Variants in TMEM154 observed in about 807,000 individuals in gnomAD.
TMEM154 encodes transmembrane protein 154.
In TMEM154, 27 loss-of-function variants were observed where a neutral mutation model predicts 24.5. The ratio of observed to expected loss-of-function variants is 1.10; its 90% CI spans 0.81 to 1.52. The LOEUF (loss-of-function observed/expected upper bound fraction) is 1.52, where lower values mean the gene tolerates loss of function less well. TMEM154 is among the 40% of genes most tolerant of loss of function. The pLI, the probability that TMEM154 is intolerant of heterozygous loss-of-function variation, is 0.00. For missense variants in TMEM154, 228 were observed against 213.4 expected, an observed-to-expected ratio of 1.07 and a Z score of -0.43; for synonymous variants, 67 against 76.8, an observed-to-expected ratio of 0.87 and a Z score of 0.67.
At chr4:152,636,453 T>G (rs933050113) in intron 6 of TMEM154, among the ~76,000 whole-genome samples, 7 of 152,234 alleles carry the variant, frequency 4.6e-5, no homozygotes, top group African/African-American at 9.6e-5. Flanking sequence ...CCTATTGATT[T>G]CTTTCAAACA....
intron 1 of TMEM154, among the ~76,000 whole-genome samples, chr4:152,661,515 C>T (rs893142271): frequency 6.6e-6 from 1 of 151,992 alleles, no homozygotes; most frequent in African/African-American, 2.4e-5. Flanking sequence ...TTGCCCTTGC[C>T]CTGGGGTGCA....
rs114684206 is a variant in TMEM154 at position 152,678,994 on chromosome 4, G to A, written c.64+876C>T. Among the ~76,000 whole-genome samples the A allele has an allele frequency of 7.8e-3, 1,189 of 152,228 alleles. 8 individuals carry two copies. Among genetic ancestry groups the A allele is most frequent in the African/African-American group, 0.028 (1,155 of 41,544 alleles). ...AGCTTGAGAACTTTCCTTTTGCTTG[G>A]TAAATACTGCCCTACACTAGAAGCA... is the stretch of plus-strand genomic sequence containing the variant. On this transcript the variant is annotated intron_variant, in intron 1 of 6. Transcript: ENST00000304385.
In TMEM154 at chr4:152,652,506, C is replaced by G. The variant is rs372908393; in HGVS notation, c.364+32G>C. 3.1e-6 allele frequency: 5 copies of G among 1,611,950 alleles called. No homozygotes were observed. In the East Asian group the frequency reaches 6.7e-5, roughly 22 times the overall value. On this transcript the variant is annotated intron_variant, in intron 3 of 6. Transcript: ENST00000304385. ...TCTGCTCCTTCTCCAATCCCACCCC[C>G]ACCTGTAGGCAGGTTTTAGGATAAT...
chr4:152,640,804 C>G (rs908794461), intron 6 of TMEM154, 124 bp downstream of exon 6: 54 of 779,544 alleles, frequency 6.9e-5, no homozygotes, highest in Non-Finnish European at 9.7e-5. Flanking sequence ...ACATATCCAG[C>G]CGCGTAAATG....
intron 1 of TMEM154, among the ~76,000 whole-genome samples, chr4:152,677,171 C>T (rs1466866062): frequency 1.3e-5 from 2 of 152,152 alleles, no homozygotes; most frequent in East Asian, 3.9e-4. Context: ...AGAAAAGCTG[C>T]TTTCTTATTT....
chr4:152,642,703 C>G (rs1401475448), intron 5 of TMEM154, among the ~76,000 whole-genome samples: 1 of 152,300 alleles, frequency 6.6e-6, no homozygotes, highest in East Asian at 1.9e-4. Flanking sequence ...CAGCACAGAT[C>G]TATGGATACT....
intron 6 of TMEM154, 36 bp downstream of exon 6, chr4:152,640,892 C>CCCA: frequency 6.9e-7 from 1 of 1,454,084 alleles, no homozygotes; most frequent in Non-Finnish European, 9.6e-7. Context: ...CGCCCCCCGC[C>CCCA]ATATACATGT....
chr4:152,661,785 A>G (rs1360457572), intron 1 of TMEM154, among the ~76,000 whole-genome samples: 3 of 152,152 alleles, frequency 2.0e-5, no homozygotes, highest in African/African-American at 7.2e-5. Context: ...TGAATAGGTA[A>G]TCTGCACATG....
At chr4:152,663,789 T>A (rs747292894) in intron 1 of TMEM154, among the ~76,000 whole-genome samples, 1 of 152,262 alleles carries the variant, frequency 6.6e-6, no homozygotes, top group Non-Finnish European at 1.5e-5. Flanking sequence ...TTAAGATCAC[T>A]TGATAATAAA....
At chr4:152,678,408 C>T (rs995513234) in intron 1 of TMEM154, among the ~76,000 whole-genome samples, 6 of 151,864 alleles carry the variant, frequency 4.0e-5, no homozygotes, top group Non-Finnish European at 8.8e-5. Context: ...TTTGAGGCAC[C>T]TGTGGCAGTG....
chr4:152,646,385 G>T (rs956767909), intron 3 of TMEM154, among the ~76,000 whole-genome samples: 1 of 152,136 alleles, frequency 6.6e-6, no homozygotes, highest in African/African-American at 2.4e-5. Context: ...CATCTTCCCT[G>T]CTCCATGGCT....
intron 1 of TMEM154, among the ~76,000 whole-genome samples, chr4:152,654,190 G>T (rs112156711): frequency 1.3e-5 from 2 of 152,156 alleles, no homozygotes; most frequent in African/African-American, 4.8e-5. Context: ...TCCTAATATC[G>T]TATAATGTTG....
chr4:152,668,663 A>G (rs1407201334), intron 1 of TMEM154: 1 of 152,316 alleles, frequency 6.6e-6, no homozygotes, highest in African/African-American at 2.4e-5. Flanking sequence ...GGTGCTTGTG[A>G]TAAGTTAAAG....
chr4:152,648,266 T>C (rs1231079337), intron 3 of TMEM154, among the ~76,000 whole-genome samples: 1 of 152,218 alleles, frequency 6.6e-6, no homozygotes, highest in Admixed American at 6.5e-5. Flanking sequence ...GAGGATCACT[T>C]GAGCCTAGGA....
intron 1 of TMEM154, among the ~76,000 whole-genome samples, chr4:152,660,445 C>CT (rs1728580167): frequency 6.6e-6 from 1 of 150,936 alleles, no homozygotes; most frequent in African/African-American, 2.5e-5. Context: ...ATTTCAGCAT[C>CT]TTTTTTTGAG....
At chr4:152,673,981 T>C (rs1434995395) in intron 1 of TMEM154, among the ~76,000 whole-genome samples, 1 of 151,962 alleles carries the variant, frequency 6.6e-6, no homozygotes, top group Non-Finnish European at 1.5e-5. Flanking sequence ...CCAGAATGGT[T>C]GTATAGAAAA....
intron 6 of TMEM154, among the ~76,000 whole-genome samples, chr4:152,637,841 C>T (rs1228225963): frequency 2.0e-5 from 3 of 152,058 alleles, no homozygotes. Flanking sequence ...AGGGTAGATA[C>T]TCAAAGTAAA....
intron 3 of TMEM154, among the ~76,000 whole-genome samples, chr4:152,650,370 C>CA (rs74690611): frequency 0.031 from 4,378 of 142,742 alleles, 134 homozygotes; most frequent in African/African-American, 0.077. Context: ...GATTCCATCT[C>CA]AAAAAAAAAA....
intron 3 of TMEM154, among the ~76,000 whole-genome samples, chr4:152,646,216 T>C (rs1487398695): frequency 6.6e-6 from 1 of 152,122 alleles, no homozygotes. Context: ...GATATATCTT[T>C]ATAATCCGGG....
Sources: gnomAD v4.1 joint callset for allele counts (sites outside exome capture counted in the v4.1 genomes callset) on GRCh38, gnomAD v4.1.1 for gene constraint, MANE v1.5 for transcripts, NCBI Gene and HGNC (gene_info 2026-07-23, HGNC 2026-07-21) for gene names.